IPO5: variants seen among roughly 807,000 people sequenced by gnomAD.
IPO5 encodes the protein importin-5.
Under a neutral mutation model 143.3 loss-of-function variants are expected in IPO5, and 18 were observed. The observed-to-expected ratio is 0.13, with a 90% CI of 0.09 to 0.19. IPO5 has a LOEUF of 0.19. Ranked by LOEUF, IPO5 falls within the 10% of genes least tolerant of loss-of-function variation. IPO5 has a pLI of 1.00. For synonymous variants in IPO5, 477 were observed against 465.7 expected, an observed-to-expected ratio of 1.02 and a Z score of -0.31; for missense variants, 1,013 against 1,336.9, an observed-to-expected ratio of 0.76 and a Z score of 3.78.
At position 98,000,614 on chromosome 13, in the gene IPO5, C is replaced by T. The variant is rs749975649; in HGVS notation, c.1077C>T (p.Ile359=). Residue 359 remains isoleucine, a synonymous_variant, in exon 13 of 29, where the codon ATC becomes ATT. Coordinates refer to ENST00000651721, the MANE Select transcript of IPO5 (RefSeq NM_002271.6). ...GTGGAAAGCTCGTTCTGCCGATGAT[C>T]AAGGAACACATTATGCAAATGCTTC... ...GLGGKLVLPM[I]KEHIMQMLQN... is the part of the protein sequence containing the mutation. 1.9e-5 allele frequency: 31 copies of T among 1,613,880 alleles called. No homozygotes were observed. The South Asian group carries it at 3.2e-4, about 17-fold the overall frequency.
chr13:97,992,451 A>T (rs893815413), intron 9 of IPO5, among the ~76,000 whole-genome samples: 6 of 152,188 alleles, frequency 3.9e-5, no homozygotes, highest in African/African-American at 1.4e-4. Flanking sequence ...GTGGCCACAC[A>T]TGTTGTCCTG....
intron 4 of IPO5, 83 bp downstream of exon 4, chr13:97,976,869 C>G: frequency 2.8e-6 from 1 of 351,076 alleles, no homozygotes; most frequent in Non-Finnish European, 4.4e-6. Flanking sequence ...GGGCCTCGGC[C>G]GGTCCGCGGC....
intron 22 of IPO5, among the ~76,000 whole-genome samples, chr13:98,014,677 A>G (rs1436996399): frequency 6.6e-6 from 1 of 152,214 alleles, no homozygotes; most frequent in African/African-American, 2.4e-5. Flanking sequence ...CAGTATAGGT[A>G]GAGGGAATGA....
In IPO5 at chr13:98,012,380, T is replaced by G. The variant is rs750255107; in HGVS notation, c.2152+38T>G. 5.9e-6 allele frequency: 7 copies of G among 1,192,864 alleles called. No individual in the cohort carries two copies. The Admixed American group carries it at 1.0e-4, about 17-fold the overall frequency. 73.9% of individuals were successfully genotyped at this position (1,192,864 alleles called of 1,614,324 possible). ...TTCTGAATACAAAACATGTCTAGATTTAGTAAACTTGTAGTTTCTTGGAGT... is the reference window on the plus strand; with the variant it reads ...TTCTGAATACAAAACATGTCTAGATGTAGTAAACTTGTAGTTTCTTGGAGT... On this transcript the variant is annotated intron_variant, in intron 21 of 28. Transcript: ENST00000651721.
chr13:97,990,248 T>A (rs1364223905), intron 8 of IPO5, 26 bp downstream of exon 8: 1 of 1,456,264 alleles, frequency 6.9e-7, no homozygotes, highest in African/African-American at 1.4e-5. Flanking sequence ...CCTATTAATA[T>A]AACCATCTAT....
intron 22 of IPO5, among the ~76,000 whole-genome samples, chr13:98,014,726 A>G (rs1243104838): frequency 6.6e-6 from 1 of 152,168 alleles, no homozygotes; most frequent in Admixed American, 6.5e-5. Flanking sequence ...CTTTGGAAAA[A>G]GAGAAGAAAT....
chr13:98,014,507 G>C (rs912238054), intron 22 of IPO5, among the ~76,000 whole-genome samples: 1 of 152,120 alleles, frequency 6.6e-6, no homozygotes, highest in South Asian at 2.1e-4. Context: ...GATCCACCTC[G>C]GCCTCCCAGA....
chr13:97,995,882 T>C (rs2139726732), intron 11 of IPO5, among the ~76,000 whole-genome samples: 1 of 152,332 alleles, frequency 6.6e-6, no homozygotes, highest in South Asian at 2.1e-4. Context: ...TAATGCTTAA[T>C]AGTAGATAAT....
intron 9 of IPO5, 124 bp from the exon 10 acceptor site, chr13:97,992,768 T>G (rs1887908726): frequency 9.7e-7 from 1 of 1,030,880 alleles, no homozygotes; most frequent in Admixed American, 2.4e-5. Flanking sequence ...TATAGATTGC[T>G]AAATTATTTA....
chr13:97,992,058 A>G (rs562150831), intron 9 of IPO5, among the ~76,000 whole-genome samples: 1 of 152,362 alleles, frequency 6.6e-6, no homozygotes, highest in Non-Finnish European at 1.5e-5. Context: ...TAAGTTATTT[A>G]AAGGATTTAG....
At position 98,010,022 on chromosome 13, in the gene IPO5, C is replaced by A; in HGVS notation, c.1933+9C>A. ...AGTAGCCCTTTTAGATAGTAGGTGTCTTTAGAAGGAGCTATCGGTTATAAT... is the reference window on the plus strand; with the variant it reads ...AGTAGCCCTTTTAGATAGTAGGTGTATTTAGAAGGAGCTATCGGTTATAAT... On this transcript the variant is annotated intron_variant, in intron 19 of 28. Coordinates refer to ENST00000651721, the MANE Select transcript of IPO5 (RefSeq NM_002271.6). The A allele has an allele frequency of 6.2e-7, 1 of 1,613,818 alleles. No homozygotes were observed. Among genetic ancestry groups the A allele is most frequent in the East Asian group, 2.2e-5 (1 of 44,868 alleles).
chr13:98,016,800 A>G lies in IPO5; in HGVS notation c.2565A>G (p.Glu855=). Residue 855 remains glutamate (E), a synonymous_variant, in exon 25 of 29, where the codon GAA becomes GAG. Coordinates refer to ENST00000651721, the MANE Select transcript of IPO5 (RefSeq NM_002271.6). ...ACTCAATATTCAGTAGCTACAAAGA[A>G]AAGGTGTTACCATGGTTTGAACAGC... ...ILHSIFSSYK[E]KVLPWFEQLL... is the part of the protein sequence containing the mutation. 1 of 1,580,830 alleles carries G rather than the reference A, an allele frequency of 6.3e-7. No individual in the cohort carries two copies. The highest frequency in any genetic ancestry group is 1.2e-5 in the South Asian group (1 of 86,046).
At chr13:97,960,750 C>G (rs964181978) in intron 2 of IPO5, among the ~76,000 whole-genome samples, 1 of 151,914 alleles carries the variant, frequency 6.6e-6, no homozygotes, top group Non-Finnish European at 1.5e-5. Context: ...GTAGAGACAG[C>G]GTTTCACCAT....
intron 1 of IPO5, 167 bp from the exon 2 acceptor site, chr13:97,953,952 A>T (rs1454627201): frequency 4.4e-6 from 2 of 455,666 alleles, no homozygotes; most frequent in South Asian, 1.6e-5. Context: ...CGATTTCATG[A>T]TGGCTCATTG....
At chr13:98,010,881 G>C (rs778928411) in intron 20 of IPO5, among the ~76,000 whole-genome samples, 53 of 140,970 alleles carry the variant, frequency 3.8e-4, no homozygotes, top group Non-Finnish European at 6.3e-4. Context: ...CTGGCGTTCA[G>C]TTGATTCTCC....
chr13:98,014,576 TTTG>T (rs1374812324), intron 22 of IPO5, among the ~76,000 whole-genome samples: 2 of 152,210 alleles, frequency 1.3e-5, no homozygotes, highest in East Asian at 3.8e-4. Context: ...TAGTGTATGA[TTTG>T]TTAAAAAATA....
intron 2 of IPO5, among the ~76,000 whole-genome samples, chr13:97,967,580 A>G (rs1033082443): frequency 2.6e-5 from 4 of 152,250 alleles, no homozygotes; most frequent in Admixed American, 2.6e-4. Flanking sequence ...CTGCTATCCC[A>G]TAAATTTTGG....
Position 98,000,657 on chromosome 13 carries a change from C to T in IPO5, c.1108+12C>T. The stretch of plus-strand genomic sequence containing the variant: ...AATGCTTCAAAATCGTAAGCTGTGT[C>T]CTTCAAATGCTAGAAGAGTGAAGTT... On this transcript the variant is annotated intron_variant, in intron 13 of 28. Transcript: ENST00000651721. 6.4e-7 allele frequency: 1 copy of T among 1,558,034 alleles called. No individual in the cohort carries two copies. Among genetic ancestry groups the T allele is most frequent in the Non-Finnish European group, 8.9e-7 (1 of 1,128,790 alleles).
intron 17 of IPO5, among the ~76,000 whole-genome samples, chr13:98,007,116 G>C (rs1359801709): frequency 6.6e-6 from 1 of 151,862 alleles, no homozygotes; most frequent in Non-Finnish European, 1.5e-5. Flanking sequence ...CAAGCAGTCT[G>C]CTCACAGGTG....
Sources: gnomAD v4.1 joint callset for allele counts (sites outside exome capture counted in the v4.1 genomes callset) on GRCh38, gnomAD v4.1.1 for gene constraint, MANE v1.5 for transcripts, NCBI Gene and HGNC (gene_info 2026-07-23, HGNC 2026-07-21) for gene names.